The following LRRC7 variants were observed in gnomAD, a reference collection of about 807,000 sequenced individuals.
LRRC7 encodes the protein leucine-rich repeat-containing protein 7.
Under a neutral mutation model 175.7 loss-of-function variants are expected in LRRC7, and 23 were observed. The observed-to-expected ratio is 0.13, with a 90% CI of 0.09 to 0.19. The LOEUF (loss-of-function observed/expected upper bound fraction) is 0.19. Ranked by LOEUF, LRRC7 falls within the 10% of genes least tolerant of loss-of-function variation. The pLI is 1.00. For missense variants in LRRC7, 1,354 were observed against 1,904.7 expected (o/e 0.71, Z 5.38); for synonymous variants, 685 against 680.9 (o/e 1.01, Z -0.09).
chr1:69,991,164 A>T (rs1038889400), intron 10 of LRRC7, among the ~76,000 whole-genome samples: 1 of 152,088 alleles, frequency 6.6e-6, no homozygotes, highest in African/African-American at 2.4e-5. Flanking sequence ...TCAAAAAAAA[A>T]AAAAAACAAA....
At chr1:70,095,958 T>C (rs1441354444) in intron 25 of LRRC7, among the ~76,000 whole-genome samples, 2 of 151,948 alleles carry the variant, frequency 1.3e-5, no homozygotes, top group African/African-American at 4.8e-5. Flanking sequence ...CATATATGCA[T>C]GTTGTTTTTT....
intron 25 of LRRC7, among the ~76,000 whole-genome samples, chr1:70,091,948 A>G (rs1664059443): frequency 6.6e-6 from 1 of 152,146 alleles, no homozygotes; most frequent in East Asian, 1.9e-4. Context: ...AAGAATCTCA[A>G]TACTGCCTTT....
At chr1:70,009,186 A>C (rs942742303) in intron 11 of LRRC7, among the ~76,000 whole-genome samples, 2 of 152,144 alleles carry the variant, frequency 1.3e-5, no homozygotes, top group Non-Finnish European at 2.9e-5. Context: ...CCCTGAACAT[A>C]AATCTGTAAT....
In LRRC7 at chr1:70,137,983, T is replaced by A. The variant is rs1666934143; in HGVS notation, c.*16096T>A. On this transcript the variant is annotated 3_prime_UTR_variant, in exon 27 of 27. Transcript: ENST00000651989. ...GAGGTTAAAATCAAAGATTTTTCAC[T>A]CAGGATTAGCCTAGATGTAGAACAG... 6.6e-6 allele frequency: 1 copy of A among 152,234 alleles called. No homozygotes were observed. The highest frequency in any genetic ancestry group is 2.4e-5 in the African/African-American group (1 of 41,466). The allele number at this position is 152,234 out of a possible 1,614,324, so 9.4% of individuals were successfully genotyped here.
chr1:69,864,975 G>GA (rs1212021287), intron 7 of LRRC7, among the ~76,000 whole-genome samples: 4 of 152,060 alleles, frequency 2.6e-5, no homozygotes, highest in Admixed American at 2.0e-4. Context: ...GCTGGTCCTT[G>GA]AAAAAAATCT....
rs1213725469 is a variant in LRRC7 at position 70,142,079 on chromosome 1, A to T, written c.*20192A>T. The T allele has an allele frequency of 6.6e-6, 1 of 152,150 alleles. No individual in the cohort carries two copies. Among genetic ancestry groups the T allele is most frequent in the Non-Finnish European group, 1.5e-5 (1 of 67,994 alleles). 9.4% of individuals were successfully genotyped at this position (152,150 alleles called of 1,614,324 possible). A position where few individuals can be genotyped will look rare whatever the true frequency, so the allele number is the denominator to read the frequency against. ...TATGTAATATTTTTGGACGGTCCAT[A>T]GGAAAAGCAAGATGAAACTCTCAGG... On this transcript the variant is annotated 3_prime_UTR_variant, in exon 27 of 27. Transcript: ENST00000651989.
chr1:69,725,875 A>T (rs78104208), intron 2 of LRRC7, among the ~76,000 whole-genome samples: 2,710 of 152,318 alleles, frequency 0.018, 78 homozygotes, highest in Middle Eastern at 0.058. Context: ...ATACCAGGAA[A>T]TCAAGTTTTG....
chr1:69,837,475 AG>A (rs1257699072), intron 6 of LRRC7, among the ~76,000 whole-genome samples: 1 of 151,932 alleles, frequency 6.6e-6, no homozygotes, highest in Non-Finnish European at 1.5e-5. Context: ...AGAGAGGTTA[AG>A]TAATTTGCCC....
At chr1:69,582,359 G>C (rs1197818140) in intron 1 of LRRC7, among the ~76,000 whole-genome samples, 19 of 152,148 alleles carry the variant, frequency 1.2e-4, no homozygotes, top group Non-Finnish European at 1.5e-5. Flanking sequence ...AACAGCAGCA[G>C]CTCCACTCAG....
At chr1:69,753,429 T>C (rs900582066) in intron 2 of LRRC7, among the ~76,000 whole-genome samples, 1 of 151,904 alleles carries the variant, frequency 6.6e-6, no homozygotes, top group African/African-American at 2.4e-5. Flanking sequence ...AATCAATGGC[T>C]TTAGGGCACA....
At chr1:69,857,183 A>G (rs1683755517) in intron 7 of LRRC7, among the ~76,000 whole-genome samples, 1 of 152,170 alleles carries the variant, frequency 6.6e-6, no homozygotes, top group South Asian at 2.1e-4. Flanking sequence ...AACTGGAAGC[A>G]TTCCCTTTGA....
At chr1:69,987,491 C>T (rs1008813459) in intron 10 of LRRC7, among the ~76,000 whole-genome samples, 1 of 152,172 alleles carries the variant, frequency 6.6e-6, no homozygotes, top group Non-Finnish European at 1.5e-5. Flanking sequence ...CTTCTATTAG[C>T]AATGTGGTGC....
rs569677082 is a variant in LRRC7, at chr1:69,598,860, C to T, written c.2+30219C>T. Among the ~76,000 whole-genome samples the T allele has an allele frequency of 3.3e-5, 5 of 152,286 alleles. No individual in the cohort carries two copies. The South Asian group carries it at 8.3e-4, about 25-fold the overall frequency. ...TACAGATTTCATGTTCCAAATATTT[C>T]TACTGAACATTATTCACTTTGTTCC... is the stretch of plus-strand genomic sequence containing the variant. On this transcript the variant is annotated intron_variant, in intron 1 of 26. Coordinates refer to ENST00000651989, the MANE Select transcript of LRRC7 (RefSeq NM_001370785.2).
chr1:69,595,935 G>A (rs1469237596), intron 1 of LRRC7, among the ~76,000 whole-genome samples: 1 of 151,074 alleles, frequency 6.6e-6, no homozygotes, highest in African/African-American at 2.4e-5. Context: ...CATACCCAGT[G>A]AGTGATTGCC....
chr1:69,946,903 C>T (rs12040267), intron 8 of LRRC7, among the ~76,000 whole-genome samples: 7,137 of 151,798 alleles, frequency 0.047, 179 homozygotes, highest in South Asian at 0.099. Context: ...CATGGTGAAA[C>T]CCCATTTCTA....
chr1:69,579,209 A>G (rs2100909500), intron 1 of LRRC7, among the ~76,000 whole-genome samples: 1 of 152,220 alleles, frequency 6.6e-6, no homozygotes, highest in East Asian at 1.9e-4. Flanking sequence ...AAAAACCCTA[A>G]AATGTTTACT....
chr1:69,809,037 T>C (rs1363665399), intron 4 of LRRC7, among the ~76,000 whole-genome samples: 1 of 151,936 alleles, frequency 6.6e-6, no homozygotes, highest in Non-Finnish European at 1.5e-5. Context: ...GCCAGACTAA[T>C]AAAGAAGAAA....
At chr1:69,655,596 T>A (rs779208535) in intron 1 of LRRC7, among the ~76,000 whole-genome samples, 35 of 152,044 alleles carry the variant, frequency 2.3e-4, no homozygotes, top group Non-Finnish European at 4.1e-4. Flanking sequence ...TCGCCACTCA[T>A]AGTCACTGAA....
rs1558086573 is a variant in LRRC7, at chr1:70,121,879, ACTGT to A, written c.4723_4726del (p.Val1575LysfsTer5). On this transcript the variant is annotated frameshift_variant, in exon 27 of 27. Coordinates refer to ENST00000651989, the MANE Select transcript of LRRC7 (RefSeq NM_001370785.2). LOFTEE classifies it high-confidence loss of function. ...AGACCTAGTTATTCAACGTGAGCTT[ACTGT>A]CTAAATATTTTTTATAAATAGTGAA... 1 of 1,593,548 alleles carries A rather than the reference ACTGT, an allele frequency of 6.3e-7. No homozygotes were observed. Among genetic ancestry groups the A allele is most frequent in the South Asian group, 1.1e-5 (1 of 90,320 alleles).
Sources: gnomAD v4.1 joint callset for allele counts (sites outside exome capture counted in the v4.1 genomes callset) on GRCh38, gnomAD v4.1.1 for gene constraint, MANE v1.5 for transcripts, NCBI Gene and HGNC (gene_info 2026-07-23, HGNC 2026-07-21) for gene names.